The following RSBN1L variants were observed in gnomAD, a reference collection of about 807,000 sequenced individuals.
RSBN1L encodes lysine-specific demethylase RSBN1L.
In RSBN1L, 30 loss-of-function variants were observed where a neutral mutation model predicts 67.7. The ratio of observed to expected loss-of-function variants is 0.44; its 90% CI spans 0.33 to 0.60. The LOEUF is 0.60. Among genes scored for constraint, RSBN1L ranks in the 20% least tolerant of loss-of-function variants. The pLI is 0.02. For missense variants in RSBN1L, 992 were observed against 1,031.7 expected (o/e 0.96, Z 0.53); for synonymous variants, 433 against 387.0 (o/e 1.12, Z -1.39).
At chr7:77,755,991 C>T (rs1791612318) in intron 3 of RSBN1L, among the ~76,000 whole-genome samples, 1 of 152,160 alleles carries the variant, frequency 6.6e-6, no homozygotes, top group Admixed American at 6.5e-5. Flanking sequence ...CCTTCAATTC[C>T]CTTTTCTGCC....
rs1390740958 is a variant in RSBN1L, at chr7:77,778,841, T to G, written c.2214T>G (p.Val738=). 2 of 1,614,104 alleles carry G rather than the reference T, an allele frequency of 1.2e-6. No individual in the cohort carries two copies. The highest frequency in any genetic ancestry group is 2.2e-5 in the South Asian group (2 of 91,084). ...TAAGCAAAGCCTCCTTGGATTCTGTTTTTTCAGATAAACTTCATTCTAAAT... is the reference window on the plus strand; with the variant it reads ...TAAGCAAAGCCTCCTTGGATTCTGTGTTTTCAGATAAACTTCATTCTAAAT... ...CAVSKASLDS[V]FSDKLHSKYE... The change falls in exon 8 of 8, where the codon GTT becomes GTG. Residue 738 remains valine, a synonymous_variant. Transcript: ENST00000334955.
intron 1 of RSBN1L, among the ~76,000 whole-genome samples, chr7:77,722,197 GAGATGA>G (rs1791128830): frequency 6.6e-6 from 1 of 152,126 alleles, no homozygotes; most frequent in Non-Finnish European, 1.5e-5. Flanking sequence ...AAATATTATG[GAGATGA>G]AGATGTGGAG....
intron 3 of RSBN1L, among the ~76,000 whole-genome samples, chr7:77,751,380 C>G (rs973801927): frequency 1.3e-5 from 2 of 152,146 alleles, no homozygotes; most frequent in African/African-American, 4.8e-5. Context: ...CCTCAAGTGA[C>G]CTGCCTGCCT....
intron 1 of RSBN1L, among the ~76,000 whole-genome samples, chr7:77,712,540 A>G (rs557062841): frequency 6.6e-6 from 1 of 152,256 alleles, no homozygotes; most frequent in South Asian, 2.1e-4. Flanking sequence ...CAGCCTCCCA[A>G]AGTCCTGAGA....
At position 77,736,740 on chromosome 7, in the gene RSBN1L, G is replaced by C. The variant is rs146037485; in HGVS notation, c.703+214G>C. 1.5e-3 allele frequency among the ~76,000 whole-genome samples: 226 copies of C among 152,106 alleles called. 9 individuals carry two copies. In the East Asian group the frequency reaches 0.041, roughly 28 times the overall value. The stretch of plus-strand genomic sequence containing the variant: ...TTAGTGAGCCATTAAAAAGTTAAAA[G>C]GTTAAGCTTCGTTAAACTTAATTTC... On this transcript the variant is annotated intron_variant, in intron 2 of 7. Coordinates refer to ENST00000334955, the MANE Select transcript of RSBN1L (RefSeq NM_198467.3).
chr7:77,753,922 A>G (rs1196035211), intron 3 of RSBN1L, among the ~76,000 whole-genome samples: 3 of 152,170 alleles, frequency 2.0e-5, no homozygotes, highest in Non-Finnish European at 2.9e-5. Flanking sequence ...CCCCTTCCTC[A>G]TTGTATTGTA....
intron 1 of RSBN1L, among the ~76,000 whole-genome samples, chr7:77,718,457 T>G (rs1791076238): frequency 6.6e-6 from 1 of 151,946 alleles, no homozygotes; most frequent in African/African-American, 2.4e-5. Context: ...CCTGGCTAAT[T>G]TTTTTGTATT....
chr7:77,770,455 G>A (rs943874413), intron 5 of RSBN1L, among the ~76,000 whole-genome samples: 10 of 152,116 alleles, frequency 6.6e-5, no homozygotes, highest in African/African-American at 2.4e-4. Context: ...CGAGGTGGGA[G>A]GATAACTTGA....
intron 1 of RSBN1L, among the ~76,000 whole-genome samples, chr7:77,716,447 G>C (rs1458617207): frequency 2.2e-5 from 3 of 135,240 alleles, no homozygotes; most frequent in African/African-American, 6.0e-5. Flanking sequence ...CGCCTCAGCT[G>C]TCTGGCTCCT....
intron 1 of RSBN1L, among the ~76,000 whole-genome samples, chr7:77,720,403 A>G (rs1006034262): frequency 1.3e-5 from 2 of 152,126 alleles, no homozygotes; most frequent in Non-Finnish European, 2.9e-5. Flanking sequence ...TCTACTAAAA[A>G]TACAAAATTA....
At chr7:77,713,374 T>G (rs1791001474) in intron 1 of RSBN1L, among the ~76,000 whole-genome samples, 1 of 151,832 alleles carries the variant, frequency 6.6e-6, no homozygotes, top group Non-Finnish European at 1.5e-5. Context: ...TTTTTTCCTT[T>G]GAGACAGAGT....
chr7:77,698,192 A>AT (rs1158971133), intron 1 of RSBN1L, among the ~76,000 whole-genome samples: 1 of 152,144 alleles, frequency 6.6e-6, no homozygotes, highest in Non-Finnish European at 1.5e-5. Flanking sequence ...CTTCCTTGAT[A>AT]TTTTTTGCCT....
intron 1 of RSBN1L, among the ~76,000 whole-genome samples, chr7:77,719,595 T>G (rs1791089909): frequency 6.6e-6 from 1 of 152,200 alleles, no homozygotes; most frequent in Non-Finnish European, 1.5e-5. Context: ...TACAATATCT[T>G]AGTACTTCAT....
chr7:77,749,308 A>G, intron 2 of RSBN1L, 116 bp from the exon 3 acceptor site: 1 of 779,236 alleles, frequency 1.3e-6, no homozygotes, highest in East Asian at 2.8e-5. Flanking sequence ...AGTCCTAAAT[A>G]TATAATTCTG....
At position 77,780,485 on chromosome 7, in the gene RSBN1L, TTACTA is replaced by T. The variant is rs1406601351; in HGVS notation, c.*1318_*1322del. ...ATGATAAGAAGTTTAGAGAATTTTC[TTACTA>T]GTAAGTACCTTTACTAAGTAATAGC... On this transcript the variant is annotated 3_prime_UTR_variant, in exon 8 of 8. Coordinates refer to ENST00000334955, the MANE Select transcript of RSBN1L (RefSeq NM_198467.3). 1 of 152,182 alleles carries T rather than the reference TTACTA, an allele frequency of 6.6e-6. No individual in the cohort carries two copies. The highest frequency in any genetic ancestry group is 1.5e-5 in the Non-Finnish European group (1 of 68,022). The allele number at this position is 152,182 out of a possible 1,614,324, so 9.4% of individuals were successfully genotyped here.
intron 3 of RSBN1L, chr7:77,759,888 C>A (rs1791676916): frequency 6.6e-6 from 1 of 152,124 alleles, no homozygotes; most frequent in South Asian, 2.1e-4. Flanking sequence ...ACTTTAATAG[C>A]CAGTGTGCGT....
At chr7:77,767,036 CCCCTT>C (rs1377338888) in intron 4 of RSBN1L, among the ~76,000 whole-genome samples, 2 of 135,080 alleles carry the variant, frequency 1.5e-5, no homozygotes, top group Non-Finnish European at 3.1e-5. Context: ...CCTTCCCTTT[CCCCTT>C]CCCTTCCCCT....
intron 1 of RSBN1L, among the ~76,000 whole-genome samples, chr7:77,727,856 G>C (rs548971721): frequency 5.9e-5 from 9 of 152,210 alleles, no homozygotes; most frequent in African/African-American, 2.2e-4. Context: ...TAATGACTCT[G>C]CAAATGCTGT....
rs1443113157 is a variant in RSBN1L, at chr7:77,708,410, C to T, written c.586+11355C>T. Among the ~76,000 whole-genome samples, 3 of 146,386 alleles carry T rather than the reference C, an allele frequency of 2.0e-5. No individual in the cohort carries two copies. In the Admixed American group the frequency reaches 2.1e-4, roughly 10 times the overall value. Reference sequence around the variant, plus strand: ...ATTTTTTTTTTTTTTTGAGATAAGTCTCGCTCTGTCACCCAGGCTGGAGTG... The same window carrying T: ...ATTTTTTTTTTTTTTTGAGATAAGTTTCGCTCTGTCACCCAGGCTGGAGTG... On this transcript the variant is annotated intron_variant, in intron 1 of 7. Coordinates refer to ENST00000334955, the MANE Select transcript of RSBN1L (RefSeq NM_198467.3).
Sources: gnomAD v4.1 joint callset for allele counts (sites outside exome capture counted in the v4.1 genomes callset) on GRCh38, gnomAD v4.1.1 for gene constraint, MANE v1.5 for transcripts, NCBI Gene and HGNC (gene_info 2026-07-23, HGNC 2026-07-21) for gene names.